VSNL1: variants seen among roughly 807,000 people sequenced by gnomAD.
The protein encoded by VSNL1 is visinin like 1.
A neutral mutation model predicts 20.4 loss-of-function variants in VSNL1; 6 were observed. That is an observed-to-expected ratio of 0.29 (90% CI 0.16 to 0.58). The LOEUF (loss-of-function observed/expected upper bound fraction) is 0.58. Ranked by LOEUF, VSNL1 falls within the 20% of genes least tolerant of loss-of-function variation. The pLI, the probability that VSNL1 is intolerant of heterozygous loss-of-function variation, is 0.90. For synonymous variants in VSNL1, 93 were observed against 86.4 expected, an observed-to-expected ratio of 1.08 and a Z score of -0.42; for missense variants, 100 against 234.5, an observed-to-expected ratio of 0.43 and a Z score of 3.75.
intron 1 of VSNL1, among the ~76,000 whole-genome samples, chr2:17,574,016 C>A (rs1664143180): frequency 6.6e-6 from 1 of 152,194 alleles, no homozygotes; most frequent in African/African-American, 2.4e-5. Flanking sequence ...TACAAGCAAC[C>A]TAACTTTAGC....
At chr2:17,574,421 A>G (rs367638388) in intron 1 of VSNL1, among the ~76,000 whole-genome samples, 3 of 152,234 alleles carry the variant, frequency 2.0e-5, no homozygotes, top group South Asian at 2.1e-4. Flanking sequence ...GCCCCCTAAT[A>G]TTTTAAACTG....
intron 3 of VSNL1, among the ~76,000 whole-genome samples, chr2:17,650,485 T>G (rs1030980786): frequency 1.3e-5 from 2 of 152,226 alleles, no homozygotes; most frequent in African/African-American, 4.8e-5. Context: ...CAATAGCAGA[T>G]GCATGGTTCG....
At chr2:17,615,602 C>T (rs1665197111) in intron 2 of VSNL1, among the ~76,000 whole-genome samples, 3 of 152,186 alleles carry the variant, frequency 2.0e-5, no homozygotes, top group Admixed American at 6.5e-5. Flanking sequence ...TTTAAATAGA[C>T]AGGAGTTTAT....
chr2:17,558,865 G>T (rs1364480309), intron 1 of VSNL1, among the ~76,000 whole-genome samples: 1 of 152,088 alleles, frequency 6.6e-6, no homozygotes, highest in South Asian at 2.1e-4. Flanking sequence ...TTACATGGCA[G>T]ATCAGAGTTA....
chr2:17,566,777 C>A (rs1663956087), intron 1 of VSNL1, among the ~76,000 whole-genome samples: 1 of 152,130 alleles, frequency 6.6e-6, no homozygotes, highest in Non-Finnish European at 1.5e-5. Flanking sequence ...GGGTTTTAAT[C>A]TAACTGAAAC....
At position 17,634,790 on chromosome 2, in the gene VSNL1, C is replaced by T. The variant is rs546109251; in HGVS notation, c.163-14620C>T. Among the ~76,000 whole-genome samples, 238 of 152,298 alleles carry T rather than the reference C, an allele frequency of 1.6e-3. 1 individual carries two copies. The highest frequency in any genetic ancestry group is 5.3e-3 in the African/African-American group (219 of 41,572). On this transcript the variant is annotated intron_variant, in intron 2 of 3. Coordinates refer to ENST00000295156, the MANE Select transcript of VSNL1 (RefSeq NM_003385.5). The surrounding 1 kb of genome is among the most constrained non-coding windows in gnomAD (Gnocchi z 4.3). ...TCACACAGTTCCATCCCACCCACTT[C>T]GTGCTCTGGTGCTGCTTCCACTTTC...
At chr2:17,544,276 C>T (rs1411381733) in intron 1 of VSNL1, among the ~76,000 whole-genome samples, 1 of 152,152 alleles carries the variant, frequency 6.6e-6, no homozygotes. Flanking sequence ...TGAGCTCTGT[C>T]TTGGATGGAG....
At chr2:17,633,170 T>A (rs940984289) in intron 2 of VSNL1, among the ~76,000 whole-genome samples, 1 of 151,926 alleles carries the variant, frequency 6.6e-6, no homozygotes, top group African/African-American at 2.4e-5. Flanking sequence ...ACAGGGGAAC[T>A]CCCCTTTATA....
intron 1 of VSNL1, among the ~76,000 whole-genome samples, chr2:17,554,243 C>T (rs1016955022): frequency 3.9e-5 from 6 of 152,124 alleles, no homozygotes; most frequent in Non-Finnish European, 7.4e-5. Flanking sequence ...TAAGTTTATA[C>T]ATCTGTAAAT....
At chr2:17,550,331 G>T (rs1461594690) in intron 1 of VSNL1, among the ~76,000 whole-genome samples, 1 of 152,106 alleles carries the variant, frequency 6.6e-6, no homozygotes, top group African/African-American at 2.4e-5. Context: ...AAATGATTTT[G>T]AAGTAAAATA....
chr2:17,582,638 G>A (rs1452932985), intron 1 of VSNL1, among the ~76,000 whole-genome samples: 2 of 152,064 alleles, frequency 1.3e-5, no homozygotes, highest in African/African-American at 4.8e-5. Context: ...GACTCTGCAT[G>A]GAACCTTGTG....
Position 17,608,318 on chromosome 2 carries a change from A to C in VSNL1, c.162+16082A>C, listed in dbSNP as rs530374489. Reference sequence around the variant, plus strand: ...TATTTTTATCCATGTTCTTTTAAAAAATGTGACATGTCTACCAGGAGCACG... The same window carrying C: ...TATTTTTATCCATGTTCTTTTAAAACATGTGACATGTCTACCAGGAGCACG... On this transcript the variant is annotated intron_variant, in intron 2 of 3. Transcript: ENST00000295156. Among the ~76,000 whole-genome samples, 109 of 152,374 alleles carry C rather than the reference A, an allele frequency of 7.2e-4. 2 individuals carry two copies. The South Asian group carries it at 0.022, about 30-fold the overall frequency.
chr2:17,623,827 A>G (rs566971076), intron 2 of VSNL1, among the ~76,000 whole-genome samples: 60 of 152,210 alleles, frequency 3.9e-4, no homozygotes, highest in Non-Finnish European at 8.1e-4. Context: ...TCCACCAGAC[A>G]CCAAATAAAT....
chr2:17,601,068 G>T (rs1664810134), intron 2 of VSNL1, among the ~76,000 whole-genome samples: 1 of 152,132 alleles, frequency 6.6e-6, no homozygotes, highest in South Asian at 2.1e-4. Flanking sequence ...CTTTCCCATG[G>T]TAGGGCAGGT....
chr2:17,614,349 C>T (rs1665165307), intron 2 of VSNL1, among the ~76,000 whole-genome samples: 1 of 152,246 alleles, frequency 6.6e-6, no homozygotes, highest in African/African-American at 2.4e-5. Context: ...ATCCTGTTGG[C>T]AGAACTTCCA....
At chr2:17,651,447 T>C (rs1459065168) in intron 3 of VSNL1, among the ~76,000 whole-genome samples, 2 of 152,214 alleles carry the variant, frequency 1.3e-5, no homozygotes, top group South Asian at 2.1e-4. Flanking sequence ...CACAGACCAA[T>C]GCAATGCTCT....
intron 1 of VSNL1, among the ~76,000 whole-genome samples, chr2:17,588,600 A>AC (rs1558291330): frequency 6.6e-6 from 1 of 152,240 alleles, no homozygotes; most frequent in Non-Finnish European, 1.5e-5. Flanking sequence ...GAGAGTATTA[A>AC]TCTAACTACA....
chr2:17,642,273 T>C (rs1390433552), intron 2 of VSNL1, among the ~76,000 whole-genome samples: 2 of 149,602 alleles, frequency 1.3e-5, no homozygotes, highest in Non-Finnish European at 3.0e-5. Context: ...ATCCTTAACA[T>C]AGAGATGATT....
At chr2:17,549,366 G>T (rs143178227) in intron 1 of VSNL1, among the ~76,000 whole-genome samples, 137 of 152,304 alleles carry the variant, frequency 9.0e-4, no homozygotes, top group African/African-American at 2.3e-3. Context: ...AGGTAGAGAT[G>T]CACATACATC....
Sources: allele counts gnomAD v4.1 joint callset (sites outside exome capture counted in the v4.1 genomes callset), GRCh38; gene constraint gnomAD v4.1.1; non-coding constraint Gnocchi (gnomAD v3.1); transcripts MANE v1.5; gene names NCBI Gene and HGNC (gene_info 2026-07-23, HGNC 2026-07-21).